The following CTNNA3 variants were observed in gnomAD, a reference collection of about 807,000 sequenced individuals.
CTNNA3 encodes the protein catenin alpha 3, also known as catenin alpha-3.
Under a neutral mutation model 95.7 loss-of-function variants are expected in CTNNA3, and 76 were observed. That is an observed-to-expected ratio of 0.79 (90% CI 0.66 to 0.96). The LOEUF is 0.96. Among genes scored for constraint, CTNNA3 ranks in the 40% least tolerant of loss-of-function variants. CTNNA3 has a pLI of 0.00. For synonymous variants in CTNNA3, 431 were observed against 374.4 expected (o/e 1.15, Z -1.74); for missense variants, 1,191 against 1,089.8 (o/e 1.09, Z -1.31).
intron 5 of CTNNA3, among the ~76,000 whole-genome samples, chr10:67,519,364 CTGTT>C (rs1839914138): frequency 6.6e-6 from 1 of 152,084 alleles, no homozygotes; most frequent in Non-Finnish European, 1.5e-5. Context: ...CTGGCATTTT[CTGTT>C]TGTTTTAAAA....
intron 11 of CTNNA3, among the ~76,000 whole-genome samples, chr10:66,420,880 A>G (rs2093187974): frequency 6.6e-6 from 1 of 151,874 alleles, no homozygotes; most frequent in Non-Finnish European, 1.5e-5. Flanking sequence ...TAAAAATAGA[A>G]CTACAATATG....
chr10:66,636,240 T>G (rs2132360721), intron 9 of CTNNA3, among the ~76,000 whole-genome samples: 1 of 152,094 alleles, frequency 6.6e-6, no homozygotes, highest in African/African-American at 2.4e-5. Context: ...TAATATAGAA[T>G]TAAAAGAAAA....
chr10:66,153,429 A>G (rs2084309657), intron 13 of CTNNA3, among the ~76,000 whole-genome samples: 2 of 151,910 alleles, frequency 1.3e-5, no homozygotes, highest in South Asian at 4.1e-4. Context: ...AAGGCAATTA[A>G]TTGGTTAGGC....
chr10:66,688,629 T>C (rs1444527053), intron 9 of CTNNA3, among the ~76,000 whole-genome samples: 1 of 152,144 alleles, frequency 6.6e-6, no homozygotes, highest in Non-Finnish European at 1.5e-5. Context: ...TTTTTGTTCA[T>C]TTATTGTTTG....
At chr10:66,528,743 G>C (rs1841357614) in intron 10 of CTNNA3, among the ~76,000 whole-genome samples, 1 of 152,084 alleles carries the variant, frequency 6.6e-6, no homozygotes, top group South Asian at 2.1e-4. Flanking sequence ...GACTTTGCCT[G>C]TCCTAATTAT....
At chr10:67,722,611 A>T (rs1044148933) in intron 1 of CTNNA3, among the ~76,000 whole-genome samples, 3 of 152,214 alleles carry the variant, frequency 2.0e-5, no homozygotes, top group African/African-American at 7.2e-5. Context: ...GAAACAAATC[A>T]CGGCAAAGAC....
intron 13 of CTNNA3, among the ~76,000 whole-genome samples, chr10:66,157,232 C>T (rs1482851294): frequency 6.6e-6 from 1 of 151,904 alleles, no homozygotes; most frequent in Admixed American, 6.6e-5. Context: ...TCCATTGTAT[C>T]ATTCTTATGC....
chr10:66,067,142 G>T (rs1451372840), intron 15 of CTNNA3, among the ~76,000 whole-genome samples: 1 of 152,076 alleles, frequency 6.6e-6, no homozygotes, highest in Non-Finnish European at 1.5e-5. Context: ...TCCAAGGCAG[G>T]TCACAGAAGC....
At chr10:66,981,966 T>C (rs1236581929) in intron 7 of CTNNA3, among the ~76,000 whole-genome samples, 1 of 152,186 alleles carries the variant, frequency 6.6e-6, no homozygotes, top group Non-Finnish European at 1.5e-5. Context: ...CAGCTGTCTG[T>C]CGATTTTTCT....
At position 65,920,395 on chromosome 10, in the gene CTNNA3, A is replaced by G. The variant is rs2077064377; in HGVS notation, c.2623T>C (p.Ser875Pro). ...EETCAAVRRGSAKKKIHPLQV... is the reference protein window; with the variant it reads ...EETCAAVRRGPAKKKIHPLQV... ...AATGGATGGATTTTTTTCTTTGCTG[A>G]GCCTCGTCTGACAGCTGCACACGTT... The change falls in exon 18 of 18, where the codon TCA becomes CCA. Residue 875 changes from serine to proline, a missense_variant. Ser to Pro is a moderately conservative substitution (Grantham distance 74, BLOSUM62 -1). Transcript: ENST00000433211. The G allele has an allele frequency of 1.2e-6, 2 of 1,613,936 alleles. No individual in the cohort carries two copies. The highest frequency in any genetic ancestry group is 1.7e-5 in the Admixed American group (1 of 59,986).
intron 7 of CTNNA3, among the ~76,000 whole-genome samples, chr10:67,069,398 CT>C (rs1856294865): frequency 6.6e-6 from 1 of 151,906 alleles, no homozygotes; most frequent in African/African-American, 2.4e-5. Context: ...AGCTTATTAA[CT>C]CAAAAAACGC....
intron 10 of CTNNA3, among the ~76,000 whole-genome samples, chr10:66,530,217 C>A (rs570936793): frequency 1.3e-5 from 2 of 152,160 alleles, no homozygotes; most frequent in South Asian, 4.2e-4. Flanking sequence ...GGTCTGATTA[C>A]CTCAGTGGCA....
chr10:67,097,798 T>C (rs1310736686), intron 7 of CTNNA3: 3 of 1,611,830 alleles, frequency 1.9e-6, no homozygotes. Context: ...CTAGCTTAAC[T>C]GAGATCATTG....
At chr10:67,235,320 A>C (rs1175435204) in intron 5 of CTNNA3, among the ~76,000 whole-genome samples, 11 of 152,088 alleles carry the variant, frequency 7.2e-5, no homozygotes, top group Non-Finnish European at 1.6e-4. Flanking sequence ...ACAGAGATAT[A>C]GATCAATGGA....
chr10:67,122,517 T>C (rs989574127), intron 7 of CTNNA3, among the ~76,000 whole-genome samples: 1 of 152,122 alleles, frequency 6.6e-6, no homozygotes, highest in African/African-American at 2.4e-5. Flanking sequence ...GGAAGATGTG[T>C]CCATTTGCAA....
intron 1 of CTNNA3, among the ~76,000 whole-genome samples, chr10:67,742,444 T>C (rs1033194141): frequency 6.6e-6 from 1 of 151,156 alleles, no homozygotes; most frequent in African/African-American, 2.4e-5. Context: ...AGATGTTCTT[T>C]GAAACCAACG....
At chr10:67,226,541 C>T (rs569474621) in intron 5 of CTNNA3, among the ~76,000 whole-genome samples, 2 of 152,336 alleles carry the variant, frequency 1.3e-5, no homozygotes, top group East Asian at 3.9e-4. Flanking sequence ...AGAAACCCTA[C>T]AAGTAAGAAG....
intron 12 of CTNNA3, among the ~76,000 whole-genome samples, chr10:66,342,129 T>C (rs1451300236): frequency 6.6e-6 from 1 of 152,014 alleles, no homozygotes; most frequent in African/African-American, 2.4e-5. Context: ...TTAGTCCTTA[T>C]CTAGGTCTTA....
chr10:67,087,550 AG>A (rs1857374573), intron 7 of CTNNA3, among the ~76,000 whole-genome samples: 1 of 151,878 alleles, frequency 6.6e-6, no homozygotes, highest in Non-Finnish European at 1.5e-5. Flanking sequence ...AATAAAATAA[AG>A]TTTTAAATAA....
Sources: allele counts gnomAD v4.1 joint callset (sites outside exome capture counted in the v4.1 genomes callset), GRCh38; gene constraint gnomAD v4.1.1; transcripts MANE v1.5; gene names NCBI Gene and HGNC (gene_info 2026-07-23, HGNC 2026-07-21).